Variants in ELMO1 observed in about 807,000 individuals in gnomAD.
ELMO1 encodes the protein engulfment and cell motility 1.
Under a neutral mutation model 98.9 loss-of-function variants are expected in ELMO1, and 26 were observed. The observed-to-expected ratio is 0.26, with a 90% CI of 0.19 to 0.36. The LOEUF (loss-of-function observed/expected upper bound fraction) is 0.36. ELMO1 is among the 10% of genes least tolerant of loss of function. The probability of loss-of-function intolerance (pLI) is 1.00; values close to 1 mark genes in which losing one functional copy is unlikely to be tolerated. For synonymous variants in ELMO1, 346 were observed against 346.0 expected (o/e 1.00, Z 0.00); for missense variants, 627 against 935.2 (o/e 0.67, Z 4.30).
chr7:36,960,766 G>A (rs1331609548), intron 16 of ELMO1, among the ~76,000 whole-genome samples: 1 of 152,104 alleles, frequency 6.6e-6, no homozygotes, highest in African/African-American at 2.4e-5. Context: ...AAGGCAGCTT[G>A]GAGATCCCTT....
At chr7:37,250,802 A>C (rs181012677) in intron 6 of ELMO1, among the ~76,000 whole-genome samples, 2,492 of 152,040 alleles carry the variant, frequency 0.016, 35 homozygotes, top group Middle Eastern at 0.027. Flanking sequence ...AAAAAAAAAA[A>C]AAAAAAAAAC....
At chr7:37,006,593 T>A (rs1189107628) in intron 16 of ELMO1, among the ~76,000 whole-genome samples, 1 of 152,164 alleles carries the variant, frequency 6.6e-6, no homozygotes, top group Admixed American at 6.5e-5. Context: ...CAAAAATGGT[T>A]CTTGGAGGAG....
At position 36,883,246 on chromosome 7, in the gene ELMO1, T is replaced by C. The variant is rs147955191; in HGVS notation, c.1714+4314A>G. ...ACACTGTCCTCTGCAGGAGGTTTCATGTTATCACTTCTTGAAATGATTTCC... is the reference window on the plus strand; with the variant it reads ...ACACTGTCCTCTGCAGGAGGTTTCACGTTATCACTTCTTGAAATGATTTCC... On this transcript the variant is annotated intron_variant, in intron 18 of 21. Transcript: ENST00000310758. Among the ~76,000 whole-genome samples, 469 of 152,360 alleles carry C rather than the reference T, an allele frequency of 3.1e-3. 2 individuals carry two copies. Among genetic ancestry groups the C allele is most frequent in the African/African-American group, 0.01 (435 of 41,592 alleles).
intron 2 of ELMO1, among the ~76,000 whole-genome samples, chr7:37,320,898 T>G (rs1311319945): frequency 1.3e-5 from 2 of 152,236 alleles, no homozygotes; most frequent in African/African-American, 4.8e-5. Flanking sequence ...CTACCACTGC[T>G]GGGTGACTGT....
intron 13 of ELMO1, among the ~76,000 whole-genome samples, chr7:37,164,108 ATCAG>A (rs1328116546): frequency 6.6e-6 from 1 of 152,066 alleles, no homozygotes; most frequent in African/African-American, 2.4e-5. Context: ...GCATTTTTTC[ATCAG>A]TCTTTTGGCT....
chr7:36,934,580 T>C (rs1271602097), intron 16 of ELMO1, among the ~76,000 whole-genome samples: 1 of 152,168 alleles, frequency 6.6e-6, no homozygotes, highest in Non-Finnish European at 1.5e-5. Context: ...ATGCAAATAA[T>C]TGAAATGGAA....
intron 14 of ELMO1, among the ~76,000 whole-genome samples, chr7:37,100,588 CT>C (rs1185997818): frequency 1.3e-5 from 2 of 152,258 alleles, no homozygotes; most frequent in Non-Finnish European, 1.5e-5. Flanking sequence ...GAAGCTCTCT[CT>C]TTTGGGGGAG....
intron 15 of ELMO1, among the ~76,000 whole-genome samples, chr7:37,079,893 T>C (rs573271179): frequency 6.6e-6 from 1 of 152,350 alleles, no homozygotes; most frequent in African/African-American, 2.4e-5. Context: ...ATCTATATAC[T>C]GTTGATGCTC....
At chr7:36,935,443 A>C (rs1332134411) in intron 16 of ELMO1, among the ~76,000 whole-genome samples, 2 of 152,204 alleles carry the variant, frequency 1.3e-5, no homozygotes, top group African/African-American at 4.8e-5. Context: ...GCCTAATTGC[A>C]AAGTTGAGGA....
intron 13 of ELMO1, among the ~76,000 whole-genome samples, chr7:37,165,834 GGAT>G (rs1789639831): frequency 6.6e-6 from 1 of 152,266 alleles, no homozygotes; most frequent in East Asian, 1.9e-4. Flanking sequence ...TTTGGTATCA[GGAT>G]GATGCTGGCC....
intron 16 of ELMO1, among the ~76,000 whole-genome samples, chr7:37,012,962 T>C (rs914981612): frequency 6.6e-6 from 1 of 152,152 alleles, no homozygotes; most frequent in Non-Finnish European, 1.5e-5. Flanking sequence ...CCCCGACAGA[T>C]CTTGCAATAT....
intron 13 of ELMO1, among the ~76,000 whole-genome samples, chr7:37,163,815 T>A (rs912415934): frequency 1.3e-5 from 2 of 152,228 alleles, no homozygotes; most frequent in African/African-American, 4.8e-5. Flanking sequence ...CATGTGTCTT[T>A]ATAGCAGCAT....
At chr7:37,133,005 T>TTA in intron 14 of ELMO1, 125 bp downstream of exon 14, 1 of 576,152 alleles carries the variant, frequency 1.7e-6, no homozygotes, top group Non-Finnish European at 2.7e-6. Context: ...TTTTTTTTTT[T>TTA]AGTTTACTAA....
chr7:37,410,430 G>A (rs1803949666), intron 1 of ELMO1, among the ~76,000 whole-genome samples: 1 of 152,152 alleles, frequency 6.6e-6, no homozygotes, highest in Non-Finnish European at 1.5e-5. Flanking sequence ...TTGTCTTCAT[G>A]TCTTTCTCTC....
At chr7:36,986,976 C>G (rs558271885) in intron 16 of ELMO1, among the ~76,000 whole-genome samples, 7 of 152,192 alleles carry the variant, frequency 4.6e-5, no homozygotes, top group Non-Finnish European at 1.0e-4. Context: ...TGTTGCCTAA[C>G]AGCCCTGAGA....
chr7:37,277,307 G>A (rs948702290), intron 4 of ELMO1, among the ~76,000 whole-genome samples: 1 of 152,256 alleles, frequency 6.6e-6, no homozygotes, highest in African/African-American at 2.4e-5. Flanking sequence ...AGAACAGGGT[G>A]TGCAGCACAG....
intron 13 of ELMO1, chr7:37,204,440 C>T (rs1282030719): frequency 1.8e-5 from 6 of 338,656 alleles, no homozygotes; most frequent in East Asian, 1.6e-4. Flanking sequence ...TTCCTGGTCT[C>T]GGTGACTTCA....
intron 15 of ELMO1, among the ~76,000 whole-genome samples, chr7:37,095,248 C>T (rs554108253): frequency 6.6e-6 from 1 of 152,302 alleles, no homozygotes; most frequent in East Asian, 1.9e-4. Flanking sequence ...TCACCAATTT[C>T]CCCCATGAAA....
At chr7:37,389,432 T>C (rs189218001) in intron 1 of ELMO1, among the ~76,000 whole-genome samples, 2 of 152,346 alleles carry the variant, frequency 1.3e-5, no homozygotes, top group African/African-American at 2.4e-5. Flanking sequence ...AAGTCTATTT[T>C]AAAAAGTTGA....
Sources: allele counts gnomAD v4.1 joint callset (sites outside exome capture counted in the v4.1 genomes callset), GRCh38; gene constraint gnomAD v4.1.1; transcripts MANE v1.5; gene names NCBI Gene and HGNC (gene_info 2026-07-23, HGNC 2026-07-21).